Variants in DTWD2 observed in about 807,000 individuals in gnomAD.
DTWD2 encodes the protein DTW motif tRNA-uridine aminocarboxypropyltransferase 2, also known as tRNA-uridine aminocarboxypropyltransferase 2.
A neutral mutation model predicts 31.8 loss-of-function variants in DTWD2; 39 were observed. That is an observed-to-expected ratio of 1.22 (90% CI 0.95 to 1.60). The LOEUF (loss-of-function observed/expected upper bound fraction) is 1.60. Among genes scored for constraint, DTWD2 ranks in the 40% most tolerant of loss-of-function variants. DTWD2 has a pLI of 0.00. For missense variants in DTWD2, 515 were observed against 381.5 expected (o/e 1.35, Z -2.92); for synonymous variants, 180 against 142.8 (o/e 1.26, Z -1.86).
At chr5:118,950,213 C>CAAAAAA (rs764214153) in intron 1 of DTWD2, among the ~76,000 whole-genome samples, 2 of 49,592 alleles carry the variant, frequency 4.0e-5, no homozygotes, top group Non-Finnish European at 7.5e-5. Flanking sequence ...ACTCCATCTC[C>CAAAAAA]AAAAAAAAAA....
At chr5:118,862,018 T>A (rs1752271098) in intron 4 of DTWD2, among the ~76,000 whole-genome samples, 1 of 152,150 alleles carries the variant, frequency 6.6e-6, no homozygotes, top group African/African-American at 2.4e-5. Context: ...TCTCGCAGGA[T>A]GTGAGTGGCA....
chr5:118,908,674 C>T (rs1195660825), intron 4 of DTWD2, among the ~76,000 whole-genome samples: 4 of 147,542 alleles, frequency 2.7e-5, no homozygotes, highest in African/African-American at 1.0e-4. Context: ...AAAAAAGAAA[C>T]CAACTCACTG....
chr5:118,894,179 C>T (rs562359263), intron 4 of DTWD2, among the ~76,000 whole-genome samples: 2 of 152,280 alleles, frequency 1.3e-5, no homozygotes, highest in East Asian at 1.9e-4. Flanking sequence ...TTCAATCCTG[C>T]TCTCTTCTAA....
At chr5:118,887,829 C>A (rs151189712) in intron 4 of DTWD2, among the ~76,000 whole-genome samples, 1 of 152,120 alleles carries the variant, frequency 6.6e-6, no homozygotes, top group South Asian at 2.1e-4. Flanking sequence ...TTAGAAGAGA[C>A]GAGGTCTCTC....
intron 4 of DTWD2, among the ~76,000 whole-genome samples, chr5:118,875,652 C>T (rs1324678632): frequency 6.7e-6 from 1 of 148,338 alleles, no homozygotes; most frequent in African/African-American, 2.5e-5. Flanking sequence ...GGGTTCAATT[C>T]AACAAGAGCT....
At chr5:118,972,428 T>C (rs374754380) in intron 1 of DTWD2, among the ~76,000 whole-genome samples, 25 of 152,028 alleles carry the variant, frequency 1.6e-4, no homozygotes, top group African/African-American at 4.1e-4. Flanking sequence ...CAGGAAGAAA[T>C]TGAGTACTTG....
intron 1 of DTWD2, among the ~76,000 whole-genome samples, chr5:118,972,473 T>A (rs1299029326): frequency 6.6e-6 from 1 of 151,738 alleles, no homozygotes; most frequent in Non-Finnish European, 1.5e-5. Flanking sequence ...ACCAAGGCAG[T>A]AATTAAATAG....
rs1028514369 is a variant in DTWD2, at chr5:118,988,395, CGCCGG to C, written c.112_116del (p.Pro38GlyfsTer29). 6.3e-7 allele frequency: 1 copy of C among 1,594,216 alleles called. No individual in the cohort carries two copies. Among genetic ancestry groups the C allele is most frequent in the African/African-American group, 1.4e-5 (1 of 73,750 alleles). On this transcript the variant is annotated frameshift_variant, in exon 1 of 6. Transcript: ENST00000510708. LOFTEE classifies it high-confidence loss of function. ...CCGCCTCTGCGCCCAGGGCAGCCGC[CGCCGG>C]CACTGCGCCGCCCTCCCGCCGCTCC... is the stretch of plus-strand genomic sequence containing the variant.
chr5:118,939,148 G>T (rs145276913), intron 3 of DTWD2, 48 bp downstream of exon 3: 4 of 1,523,706 alleles, frequency 2.6e-6, no homozygotes, highest in South Asian at 1.3e-5. Context: ...CATTTTTTAA[G>T]ATCTGTGTAG....
chr5:118,877,414 G>T (rs1752644876), intron 4 of DTWD2, among the ~76,000 whole-genome samples: 1 of 152,088 alleles, frequency 6.6e-6, no homozygotes, highest in Non-Finnish European at 1.5e-5. Context: ...GGAGCTTGCA[G>T]TGAGCGGAGA....
At chr5:118,913,407 A>G (rs2149571724) in intron 4 of DTWD2, among the ~76,000 whole-genome samples, 1 of 139,182 alleles carries the variant, frequency 7.2e-6, no homozygotes, top group East Asian at 2.3e-4. Context: ...ATAGATATAT[A>G]TAGATATATA....
intron 4 of DTWD2, among the ~76,000 whole-genome samples, chr5:118,915,322 C>T (rs1477609074): frequency 6.6e-6 from 1 of 151,904 alleles, no homozygotes; most frequent in Non-Finnish European, 1.5e-5. Flanking sequence ...ATAAGGATTC[C>T]CACTAACCAG....
chr5:118,851,741 A>G (rs1474240031), intron 4 of DTWD2, among the ~76,000 whole-genome samples: 20 of 151,502 alleles, frequency 1.3e-4, no homozygotes, highest in Non-Finnish European at 2.4e-4. Context: ...CTAATGTTAA[A>G]TGATGAGTTA....
At chr5:118,895,106 TA>T (rs1014795174) in intron 4 of DTWD2, among the ~76,000 whole-genome samples, 1 of 151,880 alleles carries the variant, frequency 6.6e-6, no homozygotes, top group Non-Finnish European at 1.5e-5. Flanking sequence ...TCCTTATATT[TA>T]AAAAAAATCT....
chr5:118,878,011 G>A (rs766661959), intron 4 of DTWD2, among the ~76,000 whole-genome samples: 3 of 152,006 alleles, frequency 2.0e-5, no homozygotes, highest in Non-Finnish European at 4.4e-5. Flanking sequence ...TCTACAAGGA[G>A]AACTACAAAA....
intron 4 of DTWD2, among the ~76,000 whole-genome samples, chr5:118,887,358 G>A (rs1249354042): frequency 6.6e-6 from 1 of 152,134 alleles, no homozygotes; most frequent in African/African-American, 2.4e-5. Context: ...TTGGCACTAA[G>A]TTTGGACATG....
intron 1 of DTWD2, among the ~76,000 whole-genome samples, chr5:118,977,171 T>C (rs938646481): frequency 8.5e-5 from 13 of 152,212 alleles, no homozygotes; most frequent in Non-Finnish European, 1.5e-4. Context: ...AAACTAGGTA[T>C]TGATGGAACA....
intron 4 of DTWD2, among the ~76,000 whole-genome samples, chr5:118,852,099 A>G (rs1362118827): frequency 6.6e-6 from 1 of 152,186 alleles, no homozygotes; most frequent in East Asian, 1.9e-4. Flanking sequence ...ATTTAGTGAT[A>G]TCTCTCCTAC....
intron 1 of DTWD2, among the ~76,000 whole-genome samples, chr5:118,967,601 C>T (rs560801812): frequency 1.3e-5 from 2 of 152,088 alleles, no homozygotes; most frequent in South Asian, 2.1e-4. Context: ...CAGGAGGGAA[C>T]AATTTGAGCA....
Sources: gnomAD v4.1 joint callset for allele counts (sites outside exome capture counted in the v4.1 genomes callset) on GRCh38, gnomAD v4.1.1 for gene constraint, MANE v1.5 for transcripts, NCBI Gene and HGNC (gene_info 2026-07-23, HGNC 2026-07-21) for gene names.